Variants in MARCHF3 observed in about 807,000 individuals in gnomAD.
The protein encoded by MARCHF3 is E3 ubiquitin-protein ligase MARCHF3.
A neutral mutation model predicts 24.2 loss-of-function variants in MARCHF3; 13 were observed. The ratio of observed to expected loss-of-function variants is 0.54; its 90% confidence interval spans 0.35 to 0.85. The LOEUF (loss-of-function observed/expected upper bound fraction) is 0.85, where lower values mean the gene tolerates loss of function less well. Among genes scored for constraint, MARCHF3 ranks in the 40% least tolerant of loss-of-function variants. MARCHF3 has a pLI of 0.01. For synonymous variants in MARCHF3, 144 were observed against 137.3 expected, an observed-to-expected ratio of 1.05 and a Z score of -0.34; for missense variants, 276 against 325.0, an observed-to-expected ratio of 0.85 and a Z score of 1.16.
At chr5:126,882,791 T>A (rs981172123) in intron 3 of MARCHF3, among the ~76,000 whole-genome samples, 9 of 152,196 alleles carry the variant, frequency 5.9e-5, no homozygotes, top group Non-Finnish European at 1.2e-4. Flanking sequence ...CCAAGCACTA[T>A]CTTATACGCT....
At chr5:126,876,316 C>G (rs1753153089) in intron 4 of MARCHF3, among the ~76,000 whole-genome samples, 1 of 152,168 alleles carries the variant, frequency 6.6e-6, no homozygotes, top group Non-Finnish European at 1.5e-5. Context: ...CATAGGCACT[C>G]TTCTAAAAAA....
At chr5:126,936,999 G>A (rs541758170) in intron 1 of MARCHF3, among the ~76,000 whole-genome samples, 89 of 152,336 alleles carry the variant, frequency 5.8e-4, no homozygotes, top group South Asian at 3.9e-3. Flanking sequence ...TGGCATTGAG[G>A]CCACTAGTGT....
intron 1 of MARCHF3, among the ~76,000 whole-genome samples, chr5:126,984,207 G>A (rs1561459130): frequency 6.6e-6 from 1 of 152,160 alleles, no homozygotes; most frequent in East Asian, 1.9e-4. Context: ...GTGGTTCTAG[G>A]ACAGGCCACG....
intron 1 of MARCHF3, among the ~76,000 whole-genome samples, chr5:127,000,595 C>G (rs1752094589): frequency 6.6e-6 from 1 of 152,218 alleles, no homozygotes; most frequent in Non-Finnish European, 1.5e-5. Context: ...ACCCATCCAG[C>G]TTTACATTAC....
chr5:126,934,378 T>C (rs1307368136), intron 1 of MARCHF3, among the ~76,000 whole-genome samples: 3 of 152,144 alleles, frequency 2.0e-5, no homozygotes, highest in African/African-American at 7.2e-5. Context: ...ATATCTTCTA[T>C]CTGACTTAAC....
chr5:126,969,008 A>G (rs1353587330), intron 1 of MARCHF3, among the ~76,000 whole-genome samples: 1 of 152,134 alleles, frequency 6.6e-6, no homozygotes, highest in Non-Finnish European at 1.5e-5. Context: ...AAAGTTTCAA[A>G]TTTTAATTAT....
At chr5:126,971,342 G>A (rs1488422244) in intron 1 of MARCHF3, among the ~76,000 whole-genome samples, 4 of 151,460 alleles carry the variant, frequency 2.6e-5, no homozygotes, top group East Asian at 1.9e-4. Context: ...CCAGCTGCTC[G>A]GGTGGCTGAG....
chr5:126,897,246 T>C (rs57113926), intron 3 of MARCHF3, among the ~76,000 whole-genome samples: 3,070 of 151,360 alleles, frequency 0.02, 79 homozygotes, highest in South Asian at 0.12. Context: ...TCCTTGTTGG[T>C]CAGGCTGGTC....
At chr5:127,000,382 T>TAA (rs1240915466) in intron 1 of MARCHF3, among the ~76,000 whole-genome samples, 2 of 152,210 alleles carry the variant, frequency 1.3e-5, no homozygotes, top group Non-Finnish European at 2.9e-5. Flanking sequence ...CTAGCGTGGC[T>TAA]AAGTTATTCG....
chr5:126,882,845 A>G (rs1753386717), intron 3 of MARCHF3, among the ~76,000 whole-genome samples: 1 of 152,210 alleles, frequency 6.6e-6, no homozygotes, highest in South Asian at 2.1e-4. Context: ...TAGAATCATT[A>G]TTATCACTGC....
At chr5:126,932,670 C>T (rs562455292) in intron 1 of MARCHF3, among the ~76,000 whole-genome samples, 1 of 152,302 alleles carries the variant, frequency 6.6e-6, no homozygotes, top group East Asian at 1.9e-4. Flanking sequence ...TCTTAAAATA[C>T]AGCATCAGTA....
intron 3 of MARCHF3, among the ~76,000 whole-genome samples, chr5:126,907,708 G>T (rs1219108695): frequency 6.9e-6 from 1 of 145,536 alleles, no homozygotes; most frequent in Non-Finnish European, 1.5e-5. Context: ...TTGAGCCTAT[G>T]TGTGTCTCTG....
intron 1 of MARCHF3, among the ~76,000 whole-genome samples, chr5:126,952,890 GAAATA>G (rs1371119207): frequency 2.0e-5 from 3 of 152,020 alleles, no homozygotes; most frequent in Non-Finnish European, 4.4e-5. Context: ...AGATTCTCTA[GAAATA>G]AATTCCAGAA....
intron 4 of MARCHF3, among the ~76,000 whole-genome samples, chr5:126,876,846 C>T (rs572557760): frequency 3.3e-5 from 5 of 152,266 alleles, no homozygotes; most frequent in African/African-American, 7.2e-5. Context: ...GACAGGGTTT[C>T]GCCATGTTGG....
chr5:126,975,795 T>C (rs189502571), intron 1 of MARCHF3, among the ~76,000 whole-genome samples: 1 of 152,352 alleles, frequency 6.6e-6, no homozygotes, highest in Admixed American at 6.5e-5. Context: ...AAAATCATGA[T>C]GATTCAAAAC....
chr5:126,928,105 G>A (rs1242503406), intron 1 of MARCHF3, among the ~76,000 whole-genome samples: 2 of 152,074 alleles, frequency 1.3e-5, no homozygotes. Context: ...GGCCTTTACT[G>A]CCTTCTAGGG....
intron 1 of MARCHF3, among the ~76,000 whole-genome samples, chr5:127,017,422 A>G (rs770752710): frequency 6.6e-6 from 1 of 152,198 alleles, no homozygotes; most frequent in East Asian, 1.9e-4. Flanking sequence ...ATGCTTCTCA[A>G]CTTACAAGGG....
intron 1 of MARCHF3, among the ~76,000 whole-genome samples, chr5:127,019,122 C>T (rs947044914): frequency 2.0e-5 from 3 of 152,146 alleles, no homozygotes; most frequent in Non-Finnish European, 2.9e-5. Context: ...TAAATTAGTA[C>T]ATTCAAGTTC....
intron 1 of MARCHF3, among the ~76,000 whole-genome samples, chr5:126,961,020 G>T (rs955003976): frequency 6.6e-6 from 1 of 152,078 alleles, no homozygotes; most frequent in Non-Finnish European, 1.5e-5. Context: ...GTAACTCCAT[G>T]CTTCTATTAT....
Sources: gnomAD v4.1 joint callset for allele counts (sites outside exome capture counted in the v4.1 genomes callset) on GRCh38, gnomAD v4.1.1 for gene constraint, MANE v1.5 for transcripts, NCBI Gene and HGNC (gene_info 2026-07-23, HGNC 2026-07-21) for gene names.